The following NOTCH4 variants were observed in gnomAD, a reference collection of about 807,000 sequenced individuals.
NOTCH4 encodes the protein neurogenic locus notch homolog protein 4.
A neutral mutation model predicts 189.0 loss-of-function variants in NOTCH4; 138 were observed. The ratio of observed to expected loss-of-function variants is 0.73; its 90% CI spans 0.64 to 0.84. The LOEUF is 0.84. Ranked by LOEUF, NOTCH4 falls within the 40% of genes least tolerant of loss-of-function variation. The pLI, the probability that NOTCH4 is intolerant of heterozygous loss-of-function variation, is 0.00. For synonymous variants in NOTCH4, 942 were observed against 1,032.8 expected (o/e 0.91, Z 1.69); for missense variants, 2,286 against 2,605.4 (o/e 0.88, Z 2.67).
chr6:32,223,885 AGC>A lies in NOTCH4; in HGVS notation c.42_43del (p.Leu15AlafsTer45). Reference sequence around the variant, plus strand: ...GGGTCTGACCACTGAGACACATAGCAGCAGCAGCAGCAGCAGCAGCAGCAGCA... The same window carrying A: ...GGGTCTGACCACTGAGACACATAGCAAGCAGCAGCAGCAGCAGCAGCAGCA... On this transcript the variant is annotated frameshift_variant, in exon 1 of 30. Coordinates refer to ENST00000375023, the MANE Select transcript of NOTCH4 (RefSeq NM_004557.4). LOFTEE classifies it high-confidence loss of function. 9.6e-7 allele frequency: 1 copy of A among 1,037,324 alleles called. No individual in the cohort carries two copies. The highest frequency in any genetic ancestry group is 1.8e-5 in the South Asian group (1 of 55,936). The allele number at this position is 1,037,324 out of a possible 1,614,324, so 64.3% of individuals were successfully genotyped here. A position where few individuals can be genotyped will look rare whatever the true frequency, so the allele number is the denominator to read the frequency against.
At chr6:32,206,215 A>C (rs1013457572) in intron 18 of NOTCH4, among the ~76,000 whole-genome samples, 10 of 152,262 alleles carry the variant, frequency 6.6e-5, no homozygotes, top group African/African-American at 2.4e-4. Flanking sequence ...TCCTGGCCAG[A>C]GCAATTAGGC....
Position 32,202,408 on chromosome 6 carries a change from TA to T in NOTCH4, c.3422del (p.Leu1141HisfsTer163). 1 of 1,612,446 alleles carries T rather than the reference TA, an allele frequency of 6.2e-7. No individual in the cohort carries two copies. The highest frequency in any genetic ancestry group is 1.3e-5 in the African/African-American group (1 of 75,026). ...TGGTCTCTGAGCAGCTGCCATTGTA[TA>T]GGCATGGGGAGGGAGGGCCACAGCC... The part of the protein sequence containing the change: ...PKGCGPPSPC[L>X]YNGSCSETTG... On this transcript the variant is annotated frameshift_variant, in exon 21 of 30. Coordinates refer to ENST00000375023, the MANE Select transcript of NOTCH4 (RefSeq NM_004557.4). LOFTEE classifies it high-confidence loss of function. This position sits in a 1 kb window ranked among gnomAD's most constrained non-coding sequence, Gnocchi z 5.7.
rs1788439615 is a variant in NOTCH4 at position 32,202,821 on chromosome 6, C to T, written c.3232-222G>A. Reference sequence around the variant, plus strand: ...CATTCTGTTGAAAATGGATGAAGCACAGCTGTGTGCAACAACCTGATGGAC... The same window carrying T: ...CATTCTGTTGAAAATGGATGAAGCATAGCTGTGTGCAACAACCTGATGGAC... On this transcript the variant is annotated intron_variant, in intron 20 of 29. Coordinates refer to ENST00000375023, the MANE Select transcript of NOTCH4 (RefSeq NM_004557.4). The surrounding 1 kb of genome is among the most constrained non-coding windows in gnomAD (Gnocchi z 5.7). The T allele has an allele frequency of 2.0e-6, 1 of 493,770 alleles. No individual in the cohort carries two copies. The highest frequency in any genetic ancestry group is 1.9e-5 in the African/African-American group (1 of 52,942). 30.6% of individuals were successfully genotyped at this position (493,770 alleles called of 1,614,324 possible).
At position 32,223,838 on chromosome 6, in the gene NOTCH4, A is replaced by C; in HGVS notation, c.73+18T>G. The stretch of plus-strand genomic sequence containing the variant: ...TAAGGGAGCTGGGTCCCCTCACCTC[A>C]CCCACGCCATGCCTCACCTCTGGGT... On this transcript the variant is annotated intron_variant, in intron 1 of 29. Transcript: ENST00000375023. 1 of 1,601,220 alleles carries C rather than the reference A, an allele frequency of 6.2e-7. No individual in the cohort carries two copies. The highest frequency in any genetic ancestry group is 8.5e-7 in the Non-Finnish European group (1 of 1,176,388).
At chr6:32,214,390 T>C (rs958512603) in intron 12 of NOTCH4, 135 bp from the exon 13 acceptor site, 4 of 874,182 alleles carry the variant, frequency 4.6e-6, no homozygotes, top group Non-Finnish European at 7.2e-6. Flanking sequence ...GACTTTGCTC[T>C]CAGCACCGCC....
Position 32,195,944 on chromosome 6 carries a change from G to A in NOTCH4, c.5505C>T (p.Arg1835=), listed in dbSNP as rs988814548. ...PEARHKATPG[R]EAGPFPRART... The stretch of plus-strand genomic sequence containing the variant: ...GTGCGCGCGGGAAGGGCCCAGCCTC[G>A]CGGCCCGGCGTGGCTTTGTGACGGG... The change falls in exon 30 of 30, where the codon CGC becomes CGT. Residue 1835 remains arginine (R), a synonymous_variant. Coordinates refer to ENST00000375023, the MANE Select transcript of NOTCH4 (RefSeq NM_004557.4). This position sits in a 1 kb window ranked among gnomAD's most constrained non-coding sequence, Gnocchi z 5.4. 10 of 1,591,312 alleles carry A rather than the reference G, an allele frequency of 6.3e-6. No individual in the cohort carries two copies. Among genetic ancestry groups the A allele is most frequent in the Non-Finnish European group, 8.5e-6 (10 of 1,175,946 alleles).
chr6:32,195,327 T>A lies in NOTCH4; in HGVS notation c.*110A>T. ...CATACATTCATTTTAGGAGAGAAAC[T>A]AAACTCACAACCCTTCATTTTGGGG... On this transcript the variant is annotated 3_prime_UTR_variant, in exon 30 of 30. Transcript: ENST00000375023. The surrounding 1 kb of genome is among the most constrained non-coding windows in gnomAD (Gnocchi z 5.4). The A allele has an allele frequency of 9.4e-7, 1 of 1,060,990 alleles. No homozygotes were observed. Among genetic ancestry groups the A allele is most frequent in the Non-Finnish European group, 1.3e-6 (1 of 746,448 alleles). 65.7% of individuals were successfully genotyped at this position (1,060,990 alleles called of 1,614,324 possible). A position where few individuals can be genotyped will look rare whatever the true frequency, so the allele number is the denominator to read the frequency against.
In NOTCH4 at chr6:32,197,595, C is replaced by A; in HGVS notation, c.4757-1G>T. Reference sequence around the variant, plus strand: ...GCTGACATCAGGGGTGTCACCCCATCTGTTGGTAAGACAGAGTAATGGGTC... The same window carrying A: ...GCTGACATCAGGGGTGTCACCCCATATGTTGGTAAGACAGAGTAATGGGTC... On this transcript the variant is annotated splice_acceptor_variant, in intron 26 of 29. Transcript: ENST00000375023. LOFTEE classifies it high-confidence loss of function. 1 of 1,608,454 alleles carries A rather than the reference C, an allele frequency of 6.2e-7. No individual in the cohort carries two copies. Among genetic ancestry groups the A allele is most frequent in the Non-Finnish European group, 8.5e-7 (1 of 1,177,440 alleles).
In NOTCH4 at chr6:32,197,377, G is replaced by A; in HGVS notation, c.4974C>T (p.Ala1658=). The A allele has an allele frequency of 1.3e-6, 2 of 1,536,902 alleles. No homozygotes were observed. The highest frequency in any genetic ancestry group is 1.7e-6 in the Non-Finnish European group (2 of 1,142,882). Residue 1658 remains alanine, a synonymous_variant, in exon 27 of 30, where the codon GCC becomes GCT. Coordinates refer to ENST00000375023, the MANE Select transcript of NOTCH4 (RefSeq NM_004557.4). The part of the protein sequence containing the change: ...TAARRLLEAG[A]NPNQPDRAGR... Reference sequence around the variant, plus strand: ...CTGCCCGGTCTGGCTGGTTGGGGTTGGCTCCAGCCTCAAGGAGGCGGCGGG... The same window carrying A: ...CTGCCCGGTCTGGCTGGTTGGGGTTAGCTCCAGCCTCAAGGAGGCGGCGGG...
At chr6:32,207,349 C>G (rs1055043133) in intron 18 of NOTCH4, among the ~76,000 whole-genome samples, 3 of 148,798 alleles carry the variant, frequency 2.0e-5, no homozygotes, top group Admixed American at 6.7e-5. Context: ...CTAGGCCGGG[C>G]GGGGTGGCTC....
At position 32,198,436 on chromosome 6, in the gene NOTCH4, C is replaced by T; in HGVS notation, c.4741G>A (p.Asp1581Asn). The T allele has an allele frequency of 2.5e-6, 4 of 1,612,378 alleles. No individual in the cohort carries two copies. Among genetic ancestry groups the T allele is most frequent in the Non-Finnish European group, 3.4e-6 (4 of 1,179,924 alleles). Reference sequence around the variant, plus strand: ...ACTCACATACCAGGTCCACGGGTGTCCAGGTCAGGGGCTTCCATCTCAGAT... The same window carrying T: ...ACTCACATACCAGGTCCACGGGTGTTCAGGTCAGGGGCTTCCATCTCAGAT... ...QESEMEAPDL[D>N]TRGPDGVTPL... Residue 1581 changes from aspartate (D) to asparagine (N), a missense_variant, in exon 26 of 30, where the codon GAC becomes AAC. This residue lies in a region of NOTCH4 where 1,903 missense variants were observed against 2,261.9 expected (regional missense o/e 0.84). Transcript: ENST00000375023. This position sits in a 1 kb window ranked among gnomAD's most constrained non-coding sequence, Gnocchi z 5.5.
Position 32,221,060 on chromosome 6 carries a change from A to G in NOTCH4, c.717T>C (p.Pro239=). ...TGCCCCCATTCGAACAGCCCCTAGG[A>G]GGGCAGGGTCCTGCCCGCAGCTCAC... The part of the protein sequence containing the change: ...PRCELRAGPC[P]PRGCSNGGTC... Residue 239 remains proline (P), a synonymous_variant, in exon 4 of 30, where the codon CCT becomes CCC. Coordinates refer to ENST00000375023, the MANE Select transcript of NOTCH4 (RefSeq NM_004557.4). This position sits in a 1 kb window ranked among gnomAD's most constrained non-coding sequence, Gnocchi z 4.3. The G allele has an allele frequency of 6.2e-7, 1 of 1,613,118 alleles. No individual in the cohort carries two copies. Among genetic ancestry groups the G allele is most frequent in the Non-Finnish European group, 8.5e-7 (1 of 1,179,790 alleles).
intron 11 of NOTCH4, among the ~76,000 whole-genome samples, 197 bp from the exon 12 acceptor site, chr6:32,215,582 C>A (rs1789349472): frequency 6.6e-6 from 1 of 152,308 alleles, no homozygotes; most frequent in East Asian, 1.9e-4. Context: ...TATGCAGAGT[C>A]CTGCAGGACA....
chr6:32,202,299 AC>A lies in NOTCH4; in HGVS notation c.3531del (p.Cys1178ValfsTer126). The A allele has an allele frequency of 6.2e-7, 1 of 1,608,972 alleles. No individual in the cohort carries two copies. The highest frequency in any genetic ancestry group is 1.7e-5 in the Admixed American group (1 of 59,802). On this transcript the variant is annotated frameshift_variant, in exon 21 of 30. Transcript: ENST00000375023. LOFTEE classifies it high-confidence loss of function. The surrounding 1 kb of genome is among the most constrained non-coding windows in gnomAD (Gnocchi z 5.7). ...GPRCQKPGAK[G>X]CEGRSGDGAC... ...GCCCCATCTCCACTTCTGCCCTCAC[AC>A]CCCTTGGCTCCGGGTTTCTGACACC...
chr6:32,203,671 A>G (rs1471594278), intron 20 of NOTCH4, 99 bp downstream of exon 20: 10 of 844,498 alleles, frequency 1.2e-5, no homozygotes, highest in Non-Finnish European at 1.8e-5. Context: ...TAATTTCCAC[A>G]TCAGTGCTCA....
intron 20 of NOTCH4, 81 bp downstream of exon 20, chr6:32,203,689 T>A (rs1788492460): frequency 6.9e-6 from 7 of 1,012,338 alleles, no homozygotes; most frequent in Non-Finnish European, 1.0e-5. Context: ...TCACCCACAG[T>A]CCCTTCTGGG....
rs1419762398 is a variant in NOTCH4 at position 32,220,837 on chromosome 6, C to T, written c.841G>A (p.Val281Ile). The T allele has an allele frequency of 3.7e-6, 6 of 1,613,982 alleles. No homozygotes were observed. Among genetic ancestry groups the T allele is most frequent in the Non-Finnish European group, 5.1e-6 (6 of 1,179,990 alleles). ...PDCEVNPDNC[V>I]SHQCQNGGTC... ...CCCCCATTCTGACACTGGTGGCTGA[C>T]ACAGTTGTCTGGATTCACCTCACAG... Residue 281 changes from valine to isoleucine, a missense_variant, in exon 5 of 30, where the codon GTC (valine) becomes ATC (isoleucine). Val to Ile is a conservative substitution (Grantham distance 29). This residue lies in a region of NOTCH4 where 1,903 missense variants were observed against 2,261.9 expected (regional missense o/e 0.84). Coordinates refer to ENST00000375023, the MANE Select transcript of NOTCH4 (RefSeq NM_004557.4).
intron 11 of NOTCH4, chr6:32,216,602 A>G (rs906009373): frequency 4.5e-5 from 19 of 425,400 alleles, no homozygotes; most frequent in Non-Finnish European, 8.3e-5. Context: ...AGTCACATGA[A>G]GATGGCAACT....
Position 32,198,448 on chromosome 6 carries a change from C to T in NOTCH4, c.4729G>A (p.Ala1577Thr). 1.9e-6 allele frequency: 3 copies of T among 1,612,768 alleles called. No homozygotes were observed. Among genetic ancestry groups the T allele is most frequent in the Non-Finnish European group, 2.5e-6 (3 of 1,179,998 alleles). Residue 1577 changes from alanine to threonine, a missense_variant, in exon 26 of 30, where the codon GCC becomes ACC. Transcript: ENST00000375023. The surrounding 1 kb of genome is among the most constrained non-coding windows in gnomAD (Gnocchi z 5.5). The part of the protein sequence containing the change: ...LTPPQESEME[A>T]PDLDTRGPDG... ...GGTCCACGGGTGTCCAGGTCAGGGG[C>T]TTCCATCTCAGATTCCTGGGGAGGA... is the stretch of plus-strand genomic sequence containing the variant.
Sources: allele counts gnomAD v4.1 joint callset (sites outside exome capture counted in the v4.1 genomes callset), GRCh38; gene constraint gnomAD v4.1.1; regional missense constraint gnomAD v4.1.1; non-coding constraint Gnocchi (gnomAD v3.1); transcripts MANE v1.5; gene names NCBI Gene and HGNC (gene_info 2026-07-23, HGNC 2026-07-21).